TGFA: variants seen among roughly 807,000 people sequenced by gnomAD.
TGFA encodes transforming growth factor alpha, also known as protransforming growth factor alpha.
TGFA carries 12 observed loss-of-function variants against 21.7 expected under a neutral mutation model. That is an observed-to-expected ratio of 0.55 (90% confidence interval 0.35 to 0.90). The LOEUF is 0.90. TGFA is among the 40% of genes least tolerant of loss of function. TGFA has a pLI of 0.01. For missense variants in TGFA, 178 were observed against 210.8 expected (o/e 0.84, Z 0.96); for synonymous variants, 79 against 88.1 (o/e 0.90, Z 0.58).
At chr2:70,467,190 A>C (rs1168339126) in intron 2 of TGFA, among the ~76,000 whole-genome samples, 6 of 152,212 alleles carry the variant, frequency 3.9e-5, no homozygotes, top group African/African-American at 1.4e-4. Flanking sequence ...GTACCCTGGA[A>C]CTTAAAAAAA....
At chr2:70,494,841 T>C (rs1671534272) in intron 2 of TGFA, among the ~76,000 whole-genome samples, 2 of 152,232 alleles carry the variant, frequency 1.3e-5, no homozygotes, top group Admixed American at 1.3e-4. Context: ...TTTTTGTTAT[T>C]GGTGTGTGAG....
chr2:70,501,969 C>T (rs1160994058), intron 2 of TGFA, among the ~76,000 whole-genome samples: 1 of 152,248 alleles, frequency 6.6e-6, no homozygotes, highest in Admixed American at 6.5e-5. Context: ...GCAAATGGTC[C>T]TGCCGTTTTC....
At chr2:70,500,078 G>A (rs1486810320) in intron 2 of TGFA, among the ~76,000 whole-genome samples, 1 of 152,126 alleles carries the variant, frequency 6.6e-6, no homozygotes, top group Non-Finnish European at 1.5e-5. Flanking sequence ...AATGTACTAA[G>A]TCTTCACTAT....
chr2:70,531,052 G>A (rs537586698), intron 1 of TGFA, among the ~76,000 whole-genome samples: 3 of 152,146 alleles, frequency 2.0e-5, no homozygotes, highest in African/African-American at 7.2e-5. Context: ...CTGGCTGCTC[G>A]GGCAGGAGCA....
chr2:70,535,958 T>C (rs557190636), intron 1 of TGFA, among the ~76,000 whole-genome samples: 2 of 152,348 alleles, frequency 1.3e-5, no homozygotes, highest in East Asian at 3.9e-4. Context: ...AGTAGAATGC[T>C]TGTCCAGGAA....
intron 2 of TGFA, among the ~76,000 whole-genome samples, chr2:70,510,699 C>T (rs568038217): frequency 2.0e-5 from 3 of 152,338 alleles, no homozygotes; most frequent in South Asian, 4.1e-4. Flanking sequence ...AATGACAATG[C>T]CAGTTTCCTA....
chr2:70,480,898 T>A (rs896924359), intron 2 of TGFA, among the ~76,000 whole-genome samples: 1 of 151,874 alleles, frequency 6.6e-6, no homozygotes, highest in South Asian at 2.1e-4. Flanking sequence ...ATCTAAAGGC[T>A]CTGCCTCATA....
Position 70,553,709 on chromosome 2 carries a change from C to A in TGFA, c.40+19G>T. 7.5e-7 allele frequency: 1 copy of A among 1,330,052 alleles called. No individual in the cohort carries two copies. The highest frequency in any genetic ancestry group is 9.6e-7 in the Non-Finnish European group (1 of 1,038,058). 82.4% of individuals were successfully genotyped at this position (1,330,052 alleles called of 1,614,324 possible). A position where few individuals can be genotyped will look rare whatever the true frequency, so the allele number is the denominator to read the frequency against. On this transcript the variant is annotated intron_variant, in intron 1 of 5. Transcript: ENST00000295400. Reference sequence around the variant, plus strand: ...AGGGTGTCGCGCGGCGCAGGGGGCGCCGCAGCCGGCGTACGTACCCAGAGC... The same window carrying A: ...AGGGTGTCGCGCGGCGCAGGGGGCGACGCAGCCGGCGTACGTACCCAGAGC...
intron 2 of TGFA, among the ~76,000 whole-genome samples, chr2:70,474,680 C>T (rs73939719): frequency 6.6e-6 from 1 of 152,168 alleles, no homozygotes; most frequent in East Asian, 1.9e-4. Context: ...ATCAGGCCTT[C>T]CACTAAGGGC....
At chr2:70,542,556 A>C (rs1165004386) in intron 1 of TGFA, among the ~76,000 whole-genome samples, 1 of 152,162 alleles carries the variant, frequency 6.6e-6, no homozygotes, top group Admixed American at 6.5e-5. Context: ...ACCAACAATA[A>C]ATTCTCTCAT....
Position 70,489,579 on chromosome 2 carries a change from C to A in TGFA, c.95-23843G>T, listed in dbSNP as rs1051173085. ...TGAGAGAGGGGCTTTTCCTTCGGTG[C>A]TTACAAATAAAATACAAAAATCCTC... On this transcript the variant is annotated intron_variant, in intron 2 of 5. Transcript: ENST00000295400. Among the ~76,000 whole-genome samples the A allele has an allele frequency of 3.3e-5, 5 of 152,164 alleles. No homozygotes were observed. The East Asian group carries it at 9.6e-4, about 29-fold the overall frequency.
chr2:70,512,346 G>A (rs1456733256), intron 2 of TGFA, among the ~76,000 whole-genome samples: 1 of 152,104 alleles, frequency 6.6e-6, no homozygotes, highest in African/African-American at 2.4e-5. Context: ...CAACAGAGAG[G>A]GCAGACGGGC....
intron 1 of TGFA, among the ~76,000 whole-genome samples, chr2:70,521,449 G>A (rs111696372): frequency 0.011 from 1,652 of 152,118 alleles, 35 homozygotes; most frequent in African/African-American, 0.037. Flanking sequence ...CTGAGCCTCA[G>A]TTTCCTTCAC....
intron 1 of TGFA, among the ~76,000 whole-genome samples, chr2:70,537,945 C>G (rs1409312627): frequency 1.3e-5 from 2 of 152,192 alleles, no homozygotes; most frequent in African/African-American, 4.8e-5. Flanking sequence ...AAGTCAATGC[C>G]TGGCTTAAAA....
intron 2 of TGFA, among the ~76,000 whole-genome samples, chr2:70,476,738 C>T (rs79461925): frequency 0.059 from 9,025 of 152,216 alleles, 332 homozygotes; most frequent in Middle Eastern, 0.12. Context: ...GAAGGATACT[C>T]CTCATTTTAA....
intron 5 of TGFA, among the ~76,000 whole-genome samples, chr2:70,452,595 TA>T (rs1670091257): frequency 6.6e-6 from 1 of 152,136 alleles, no homozygotes; most frequent in Non-Finnish European, 1.5e-5. Context: ...TACACTATAC[TA>T]GGTATTTTAT....
chr2:70,537,089 C>A (rs1553504543), intron 1 of TGFA, among the ~76,000 whole-genome samples: 1 of 149,974 alleles, frequency 6.7e-6, no homozygotes, highest in African/African-American at 2.4e-5. Context: ...TGGTAATAAT[C>A]ACAATTCATT....
intron 3 of TGFA, among the ~76,000 whole-genome samples, chr2:70,457,779 T>C (rs76916668): frequency 6.6e-6 from 1 of 152,120 alleles, no homozygotes; most frequent in African/African-American, 2.4e-5. Context: ...TGACCTCAGG[T>C]GATCCACCCA....
intron 2 of TGFA, among the ~76,000 whole-genome samples, chr2:70,503,579 T>TAAAA (rs372379367): frequency 2.2e-4 from 30 of 134,408 alleles, no homozygotes; most frequent in East Asian, 8.3e-4. Context: ...ATAATAATAA[T>TAAAA]AATAAAAAAA....
Sources: gnomAD v4.1 joint callset for allele counts (sites outside exome capture counted in the v4.1 genomes callset) on GRCh38, gnomAD v4.1.1 for gene constraint, MANE v1.5 for transcripts, NCBI Gene and HGNC (gene_info 2026-07-23, HGNC 2026-07-21) for gene names.